The following TTK variants were observed in gnomAD, a reference collection of about 807,000 sequenced individuals.
The protein encoded by TTK is dual specificity protein kinase TTK.
TTK carries 59 observed loss-of-function variants against 117.3 expected under a neutral mutation model. The ratio of observed to expected loss-of-function variants is 0.50; its 90% CI spans 0.41 to 0.62. The LOEUF is 0.62. TTK is among the 20% of genes least tolerant of loss of function. The probability of loss-of-function intolerance (pLI) is 0.00; values close to 1 mark genes in which losing one functional copy is unlikely to be tolerated. For missense variants in TTK, 921 were observed against 989.4 expected, an observed-to-expected ratio of 0.93 and a Z score of 0.93; for synonymous variants, 302 against 325.0, an observed-to-expected ratio of 0.93 and a Z score of 0.76.
At chr6:80,016,256 C>T (rs1767304846) in intron 10 of TTK, among the ~76,000 whole-genome samples, 1 of 152,122 alleles carries the variant, frequency 6.6e-6, no homozygotes, top group Non-Finnish European at 1.5e-5. Context: ...TGTTGGGTTA[C>T]AGGATATGCA....
At chr6:80,025,697 C>T (rs1234447711) in intron 11 of TTK, among the ~76,000 whole-genome samples, 1 of 152,160 alleles carries the variant, frequency 6.6e-6, no homozygotes, top group Non-Finnish European at 1.5e-5. Flanking sequence ...AATATGTAAA[C>T]AAATTGGCAT....
In TTK at chr6:80,042,233, C is replaced by A; in HGVS notation, c.*31C>A. ...AGTTATTCGTAATGTCAGATACCAC[C>A]TATAAAATATATTGGACTGTTATAC... On this transcript the variant is annotated 3_prime_UTR_variant, in exon 22 of 22. Transcript: ENST00000369798. 1.3e-6 allele frequency: 2 copies of A among 1,498,316 alleles called. No homozygotes were observed. Among genetic ancestry groups the A allele is most frequent in the Non-Finnish European group, 9.2e-7 (1 of 1,087,570 alleles). 92.8% of individuals were successfully genotyped at this position (1,498,316 alleles called of 1,614,324 possible).
intron 8 of TTK, 67 bp from the exon 9 acceptor site, chr6:80,013,211 GA>G (rs1767210806): frequency 7.5e-7 from 1 of 1,338,414 alleles, no homozygotes; most frequent in Non-Finnish European, 1.0e-6. Context: ...AACTTGAGAT[GA>G]AAAAATACAT....
intron 2 of TTK, among the ~76,000 whole-genome samples, chr6:80,006,473 G>C (rs1171968909): frequency 3.3e-5 from 5 of 152,250 alleles, no homozygotes; most frequent in African/African-American, 1.2e-4. Context: ...TCTTAATGGA[G>C]TATAATTGTG....
Position 80,008,456 on chromosome 6 carries a change from G to T in TTK, c.433G>T (p.Val145Phe). The T allele has an allele frequency of 6.2e-7, 1 of 1,611,996 alleles. No individual in the cohort carries two copies. The highest frequency in any genetic ancestry group is 8.5e-7 in the Non-Finnish European group (1 of 1,179,002). The change falls in exon 4 of 22, where the codon GTT (valine) becomes TTT (phenylalanine). Residue 145 changes from valine (V) to phenylalanine (F), a missense_variant. Val to Phe is a conservative substitution (Grantham distance 50). Transcript: ENST00000369798. ...ARANCKKFAF[V>F]HISFAQFELS... Reference sequence around the variant, plus strand: ...AGCAAACTGCAAGAAATTTGCTTTTGTTCATATATCTTTTGCACAATTTGA... The same window carrying T: ...AGCAAACTGCAAGAAATTTGCTTTTTTTCATATATCTTTTGCACAATTTGA...
chr6:80,034,350 C>T (rs939712636), intron 14 of TTK, among the ~76,000 whole-genome samples: 3 of 152,068 alleles, frequency 2.0e-5, no homozygotes, highest in African/African-American at 4.8e-5. Flanking sequence ...TTACCTAAAC[C>T]GGATTGCAAG....
intron 10 of TTK, among the ~76,000 whole-genome samples, chr6:80,020,060 A>AAACATATT (rs976689429): frequency 1.3e-5 from 2 of 152,126 alleles, no homozygotes; most frequent in African/African-American, 4.8e-5. Context: ...ATGTACATAT[A>AAACATATT]AACATGTCTA....
At position 80,031,497 on chromosome 6, in the gene TTK, AT is replaced by A; in HGVS notation, c.1555del (p.Ser519ArgfsTer10). On this transcript the variant is annotated frameshift_variant, in exon 14 of 22. Transcript: ENST00000369798. LOFTEE classifies it high-confidence loss of function. ...VLASSSANEC[I>X]SVKGRIYSIL... ...AGCATCTTCTTCAGCAAATGAATGC[AT>A]TTCGGTTAAAGGAAGAATTTATTCC... The A allele has an allele frequency of 6.6e-7, 1 of 1,521,740 alleles. No homozygotes were observed. The highest frequency in any genetic ancestry group is 8.8e-7 in the Non-Finnish European group (1 of 1,140,776). 94.3% of individuals were successfully genotyped at this position (1,521,740 alleles called of 1,614,324 possible). A position where few individuals can be genotyped will look rare whatever the true frequency, so the allele number is the denominator to read the frequency against.
At position 80,038,089 on chromosome 6, in the gene TTK, T is replaced by C. The variant is rs779116627; in HGVS notation, c.2130+42T>C. On this transcript the variant is annotated intron_variant, in intron 18 of 21. Coordinates refer to ENST00000369798, the MANE Select transcript of TTK (RefSeq NM_003318.5). ...TTACATCACAATTATCTGGCAACAG[T>C]AGGGAATGCACTATTTTCTGAATAA... The C allele has an allele frequency of 2.6e-5, 36 of 1,409,840 alleles. No individual in the cohort carries two copies. The South Asian group carries it at 3.8e-4, about 15-fold the overall frequency. 87.3% of individuals were successfully genotyped at this position (1,409,840 alleles called of 1,614,324 possible).
intron 8 of TTK, 82 bp from the exon 9 acceptor site, chr6:80,013,197 A>C (rs1767210296): frequency 8.6e-7 from 1 of 1,157,112 alleles, no homozygotes. Context: ...ATTATTAAAA[A>C]TCCAACTTGA....
At chr6:80,020,196 G>T (rs1242404833) in intron 10 of TTK, among the ~76,000 whole-genome samples, 1 of 152,128 alleles carries the variant, frequency 6.6e-6, no homozygotes, top group African/African-American at 2.4e-5. Flanking sequence ...GATGAAATTG[G>T]AACCTGTTCA....
rs200609571 is a variant in TTK, at chr6:80,028,006, T to C, written c.1516T>C (p.Leu506=). The change falls in exon 13 of 22, where the codon TTA becomes CTA. Residue 506 remains leucine (L), a synonymous_variant. Transcript: ENST00000369798. ...AATACTTGCCACTCCACTTCAAAAT[T>C]TACAGGTTCGATAAGCTTTATATAT... ...HQILATPLQN[L]QVLASSSANE... 2.8e-5 allele frequency: 44 copies of C among 1,599,054 alleles called. No homozygotes were observed. The highest frequency in any genetic ancestry group is 3.5e-5 in the Non-Finnish European group (41 of 1,172,930).
rs754311204 is a variant in TTK at position 80,027,937 on chromosome 6, A to G, written c.1447A>G (p.Thr483Ala). Residue 483 changes from threonine (T) to alanine (A), a missense_variant, in exon 13 of 22, where the codon ACA becomes GCA. Transcript: ENST00000369798. ...CTTTCCACCTGCTTGTCAGTTGTCAACACCTTATGGCCAACCTGCCTGTTT... is the reference window on the plus strand; with the variant it reads ...CTTTCCACCTGCTTGTCAGTTGTCAGCACCTTATGGCCAACCTGCCTGTTT... ...NDFPPACQLS[T>A]PYGQPACFQQ... The G allele has an allele frequency of 5.0e-6, 8 of 1,608,682 alleles. No homozygotes were observed. The highest frequency in any genetic ancestry group is 3.3e-5 in the Admixed American group (2 of 59,736).
At chr6:80,034,474 A>G (rs1289116496) in intron 14 of TTK, among the ~76,000 whole-genome samples, 1 of 152,182 alleles carries the variant, frequency 6.6e-6, no homozygotes, top group Non-Finnish European at 1.5e-5. Context: ...ACTCTGTATC[A>G]TAGCCTTTAG....
chr6:80,020,064 ATG>A (rs1491061607), intron 10 of TTK, among the ~76,000 whole-genome samples: 1 of 149,622 alleles, frequency 6.7e-6, no homozygotes, highest in Admixed American at 6.7e-5. Context: ...ACATATAAAC[ATG>A]TCTAAACATG....
At position 80,023,459 on chromosome 6, in the gene TTK, G is replaced by C. The variant is rs754503434; in HGVS notation, c.1257+987G>C. 1.6e-3 allele frequency among the ~76,000 whole-genome samples: 251 copies of C among 152,156 alleles called. 1 individual carries two copies. The highest frequency in any genetic ancestry group is 0.014 in the Middle Eastern group (4 of 294). On this transcript the variant is annotated intron_variant, in intron 11 of 21. Coordinates refer to ENST00000369798, the MANE Select transcript of TTK (RefSeq NM_003318.5). ...ATACAAAAAATTAGCCGGGTGTGGT[G>C]GTGGGCGCCTGTAGTCCCAGCTACT...
At chr6:80,037,240 T>C (rs1402366902) in intron 17 of TTK, among the ~76,000 whole-genome samples, 2 of 152,060 alleles carry the variant, frequency 1.3e-5, no homozygotes. Flanking sequence ...AGGAGTAAAA[T>C]AGACTTTGTT....
chr6:80,024,572 G>A (rs1767554970), intron 11 of TTK, among the ~76,000 whole-genome samples: 1 of 152,208 alleles, frequency 6.6e-6, no homozygotes, highest in African/African-American at 2.4e-5. Context: ...GTGGAAAGTA[G>A]ATTAGTGGTT....
intron 8 of TTK, 86 bp from the exon 9 acceptor site, chr6:80,013,193 A>T: frequency 9.0e-7 from 1 of 1,115,692 alleles, no homozygotes; most frequent in Non-Finnish European, 1.3e-6. Flanking sequence ...GTATATTATT[A>T]AAAATCCAAC....
Sources: gnomAD v4.1 joint callset for allele counts (sites outside exome capture counted in the v4.1 genomes callset) on GRCh38, gnomAD v4.1.1 for gene constraint, MANE v1.5 for transcripts, NCBI Gene and HGNC (gene_info 2026-07-23, HGNC 2026-07-21) for gene names.